Variants in VPS13A observed in about 807,000 individuals in gnomAD.
The protein encoded by VPS13A is intermembrane lipid transfer protein VPS13A.
VPS13A carries 264 observed loss-of-function variants against 390.9 expected under a neutral mutation model. That is an observed-to-expected ratio of 0.68 (90% confidence interval 0.61 to 0.75). The LOEUF (loss-of-function observed/expected upper bound fraction) is 0.75. VPS13A is among the 30% of genes least tolerant of loss of function. VPS13A has a pLI of 0.00. For missense variants in VPS13A, 3,409 were observed against 3,733.9 expected (o/e 0.91, Z 2.27); for synonymous variants, 1,231 against 1,227.1 (o/e 1.00, Z -0.07).
intron 50 of VPS13A, among the ~76,000 whole-genome samples, chr9:77,342,585 A>G (rs2131514582): frequency 6.6e-6 from 1 of 152,308 alleles, no homozygotes; most frequent in Middle Eastern, 3.4e-3. Flanking sequence ...GTTTTGTTTC[A>G]TGCACAAAAT....
intron 1 of VPS13A, among the ~76,000 whole-genome samples, chr9:77,189,930 A>G (rs956875129): frequency 5.3e-5 from 8 of 152,112 alleles, no homozygotes; most frequent in Non-Finnish European, 1.0e-4. Context: ...TAGAAATACT[A>G]CTGATTTTTG....
intron 1 of VPS13A, among the ~76,000 whole-genome samples, chr9:77,197,129 C>G (rs940638110): frequency 6.6e-6 from 1 of 151,886 alleles, no homozygotes; most frequent in Non-Finnish European, 1.5e-5. Flanking sequence ...ACCTGTTGAC[C>G]ATTTGTATGT....
intron 32 of VPS13A, among the ~76,000 whole-genome samples, chr9:77,294,813 C>T (rs1276900442): frequency 6.6e-6 from 1 of 152,066 alleles, no homozygotes; most frequent in Non-Finnish European, 1.5e-5. Context: ...CAAGCAAATC[C>T]CATCTCAGCC....
chr9:77,302,904 T>C lies in VPS13A; in HGVS notation c.3813-11T>C. ...TGAAACAATTTAAAAGAATGTTATCTCTACTTATAGATCTCGATTTATTAA... is the reference window on the plus strand; with the variant it reads ...TGAAACAATTTAAAAGAATGTTATCCCTACTTATAGATCTCGATTTATTAA... On this transcript the variant is annotated splice_polypyrimidine_tract_variant and intron_variant, in intron 33 of 71. Transcript: ENST00000360280. The C allele has an allele frequency of 6.2e-7, 1 of 1,610,366 alleles. No homozygotes were observed. Among genetic ancestry groups the C allele is most frequent in the East Asian group, 2.2e-5 (1 of 44,778 alleles).
In VPS13A at chr9:77,416,970, T is replaced by A. The variant is rs903915396; in HGVS notation, c.*964T>A. ...TGTCCCGTTGCCAATAGATTGAGAATTTCTGGTTTGCTTACTCTACAGTTA... is the reference window on the plus strand; with the variant it reads ...TGTCCCGTTGCCAATAGATTGAGAAATTCTGGTTTGCTTACTCTACAGTTA... On this transcript the variant is annotated 3_prime_UTR_variant, in exon 72 of 72. Coordinates refer to ENST00000360280, the MANE Select transcript of VPS13A (RefSeq NM_033305.3). 4.6e-5 allele frequency: 7 copies of A among 152,682 alleles called. No homozygotes were observed. Among genetic ancestry groups the A allele is most frequent in the African/African-American group, 1.7e-4 (7 of 41,572 alleles). 9.5% of individuals were successfully genotyped at this position (152,682 alleles called of 1,614,324 possible).
intron 13 of VPS13A, 48 bp downstream of exon 13, chr9:77,221,404 C>G: frequency 1.3e-6 from 2 of 1,595,960 alleles, no homozygotes; most frequent in South Asian, 1.1e-5. Flanking sequence ...TACATAGCTC[C>G]TTATTGGTCT....
At chr9:77,402,059 G>GT (rs1467167903) in intron 68 of VPS13A, among the ~76,000 whole-genome samples, 3 of 152,104 alleles carry the variant, frequency 2.0e-5, no homozygotes, top group African/African-American at 4.8e-5. Flanking sequence ...GAGAACTACT[G>GT]TAATTCATAT....
chr9:77,189,577 T>A (rs1356928567), intron 1 of VPS13A, among the ~76,000 whole-genome samples: 7 of 152,188 alleles, frequency 4.6e-5, no homozygotes, highest in African/African-American at 1.7e-4. Context: ...TTGCTTTGGC[T>A]ATTCAGGCTA....
At chr9:77,346,414 T>A (rs1831155602) in intron 52 of VPS13A, among the ~76,000 whole-genome samples, 1 of 152,204 alleles carries the variant, frequency 6.6e-6, no homozygotes, top group Non-Finnish European at 1.5e-5. Context: ...TCCTTACAGA[T>A]TCTGGATATT....
At position 77,213,050 on chromosome 9, in the gene VPS13A, C is replaced by T. The variant is rs770388865; in HGVS notation, c.615+22C>T. 8 of 1,612,872 alleles carry T rather than the reference C, an allele frequency of 5.0e-6. No individual in the cohort carries two copies. The East Asian group carries it at 1.6e-4, about 32-fold the overall frequency. ...TAAGGTAAATAAATACTGTGTTTGT[C>T]AACTCATGGACTTAAGAGAATTTTG... On this transcript the variant is annotated intron_variant, in intron 8 of 71. Coordinates refer to ENST00000360280, the MANE Select transcript of VPS13A (RefSeq NM_033305.3).
intron 23 of VPS13A, among the ~76,000 whole-genome samples, chr9:77,268,968 T>C (rs1162542361): frequency 2.6e-5 from 4 of 151,960 alleles, no homozygotes; most frequent in Non-Finnish European, 2.9e-5. Context: ...AGTGAGTTAA[T>C]GTCCCATTAC....
chr9:77,185,426 T>C (rs1367067854), intron 1 of VPS13A, among the ~76,000 whole-genome samples: 1 of 152,080 alleles, frequency 6.6e-6, no homozygotes. Flanking sequence ...AGGCGTGAGC[T>C]ACTGCGCCCG....
chr9:77,383,215 T>C (rs1297163124), intron 68 of VPS13A, among the ~76,000 whole-genome samples: 2 of 152,042 alleles, frequency 1.3e-5, no homozygotes, highest in Non-Finnish European at 2.9e-5. Flanking sequence ...AGGCTTCTAA[T>C]ATACAAAAAT....
At chr9:77,179,277 C>T (rs1169999276) in intron 1 of VPS13A, among the ~76,000 whole-genome samples, 1 of 152,122 alleles carries the variant, frequency 6.6e-6, no homozygotes, top group Non-Finnish European at 1.5e-5. Context: ...ACAGTTCTGT[C>T]TTGACAAATG....
At chr9:77,411,320 T>C (rs1172761729) in intron 71 of VPS13A, among the ~76,000 whole-genome samples, 1 of 151,818 alleles carries the variant, frequency 6.6e-6, no homozygotes, top group African/African-American at 2.4e-5. Context: ...GCACTAAATG[T>C]CCACAAGAGA....
In VPS13A at chr9:77,365,502, T is replaced by C. The variant is rs1175295699; in HGVS notation, c.8254T>C (p.Tyr2752His). 3.7e-6 allele frequency: 6 copies of C among 1,612,096 alleles called. No homozygotes were observed. The highest frequency in any genetic ancestry group is 5.1e-6 in the Non-Finnish European group (6 of 1,178,668). The change falls in exon 60 of 72, where the codon TAT becomes CAT. Residue 2752 changes from tyrosine to histidine, a missense_variant. Physicochemically the swap from Tyr to His is moderately conservative, Grantham distance 83. Around this residue, in one of 5 missense-constraint regions of VPS13A, gnomAD observed 123 missense variants for 118.7 expected, o/e 1.04. Transcript: ENST00000360280. The part of the protein sequence containing the change: ...HKDIEAFKEE[Y>H]KTASLVDQSQ... ...AGATATAGAAGCTTTCAAAGAAGAA[T>C]ATAAAACAGCCTCATTAGTAGATCA...
At chr9:77,377,221 T>G (rs1473376346) in intron 67 of VPS13A, among the ~76,000 whole-genome samples, 4 of 136,640 alleles carry the variant, frequency 2.9e-5, no homozygotes, top group East Asian at 2.1e-4. Flanking sequence ...TTTTTTTTTT[T>G]TTTTTTTTTG....
intron 35 of VPS13A, among the ~76,000 whole-genome samples, chr9:77,311,399 C>G (rs1245871081): frequency 6.6e-6 from 1 of 152,264 alleles, no homozygotes; most frequent in East Asian, 1.9e-4. Flanking sequence ...AACATCATCA[C>G]CCTAAATATT....
Position 77,226,526 on chromosome 9 carries a change from G to A in VPS13A, c.1285G>A (p.Gly429Arg), listed in dbSNP as rs367746061. Residue 429 changes from glycine (G) to arginine (R), a missense_variant, in exon 15 of 72, where the codon GGG becomes AGG. Coordinates refer to ENST00000360280, the MANE Select transcript of VPS13A (RefSeq NM_033305.3). The stretch of plus-strand genomic sequence containing the variant: ...AGTAAAAGATCCAGAGGATAATAAA[G>A]GGTGGTTTAGCTGGCTATGGTCTTG... ...EGVKDPEDNK[G>R]WFSWLWSWSE... 2 of 1,613,040 alleles carry A rather than the reference G, an allele frequency of 1.2e-6. No homozygotes were observed. Among genetic ancestry groups the A allele is most frequent in the African/African-American group, 2.7e-5 (2 of 75,002 alleles).
Sources: gnomAD v4.1 joint callset for allele counts (sites outside exome capture counted in the v4.1 genomes callset) on GRCh38, gnomAD v4.1.1 for gene constraint, gnomAD v4.1.1 regional missense constraint, MANE v1.5 for transcripts, NCBI Gene and HGNC (gene_info 2026-07-23, HGNC 2026-07-21) for gene names.